Variants in OPCML observed in about 807,000 individuals in gnomAD.
OPCML encodes opioid-binding protein/cell adhesion molecule.
OPCML carries 13 observed loss-of-function variants against 37.8 expected under a neutral mutation model. The ratio of observed to expected loss-of-function variants is 0.34; its 90% CI spans 0.22 to 0.55. The LOEUF (loss-of-function observed/expected upper bound fraction) is 0.55. OPCML is among the 20% of genes least tolerant of loss of function. The pLI is 0.91. For missense variants in OPCML, 341 were observed against 435.6 expected, an observed-to-expected ratio of 0.78 and a Z score of 1.93; for synonymous variants, 176 against 168.8, an observed-to-expected ratio of 1.04 and a Z score of -0.33.
chr11:132,887,710 A>G (rs1468148152), intron 2 of OPCML, among the ~76,000 whole-genome samples: 3 of 152,240 alleles, frequency 2.0e-5, no homozygotes. Flanking sequence ...ATATGAGAGA[A>G]ACAGGTAGGA....
chr11:133,492,095 G>C (rs1305785802), intron 1 of OPCML, among the ~76,000 whole-genome samples: 1 of 152,164 alleles, frequency 6.6e-6, no homozygotes, highest in Non-Finnish European at 1.5e-5. Context: ...GCATATGCTG[G>C]CTTTTTCAGC....
rs1944168128 is a variant in OPCML, at chr11:132,709,409, A to G, written c.147-52090T>C. Among the ~76,000 whole-genome samples the G allele has an allele frequency of 2.6e-5, 4 of 152,356 alleles. No homozygotes were observed. In the South Asian group the frequency reaches 8.3e-4, roughly 32 times the overall value. On this transcript the variant is annotated intron_variant, in intron 2 of 7. Transcript: ENST00000524381. The stretch of plus-strand genomic sequence containing the variant: ...ACTAAGATATGAACACTGGTGCAAT[A>G]TTATTAGCTAAACTGCAAACTTCAT...
intron 1 of OPCML, among the ~76,000 whole-genome samples, chr11:132,962,207 GA>G (rs1238644377): frequency 4.6e-5 from 7 of 152,328 alleles, no homozygotes; most frequent in Non-Finnish European, 1.0e-4. Flanking sequence ...CTGTACAACA[GA>G]GGGCCAAGGA....
chr11:132,648,805 T>C (rs535215157), intron 3 of OPCML, among the ~76,000 whole-genome samples: 3 of 152,116 alleles, frequency 2.0e-5, no homozygotes, highest in Non-Finnish European at 4.4e-5. Flanking sequence ...CTTGCCAGGG[T>C]CCACCCGTGA....
intron 2 of OPCML, among the ~76,000 whole-genome samples, chr11:132,778,198 T>G (rs1946873072): frequency 6.6e-6 from 1 of 152,186 alleles, no homozygotes; most frequent in African/African-American, 2.4e-5. Flanking sequence ...TCGCCAAGTG[T>G]TCTCTGTTGG....
chr11:133,326,318 T>C (rs1169145917), intron 1 of OPCML, among the ~76,000 whole-genome samples: 1 of 39,398 alleles, frequency 2.5e-5, no homozygotes, highest in African/African-American at 1.4e-4. Flanking sequence ...TATGTATAAG[T>C]GTGTGGGGGG....
chr11:132,894,138 C>G (rs571595998), intron 2 of OPCML, among the ~76,000 whole-genome samples: 1 of 152,300 alleles, frequency 6.6e-6, no homozygotes, highest in South Asian at 2.1e-4. Context: ...TCATTTAAGT[C>G]TGGTCTCATC....
At chr11:133,127,704 T>G (rs1347561652) in intron 1 of OPCML, among the ~76,000 whole-genome samples, 1 of 151,872 alleles carries the variant, frequency 6.6e-6, no homozygotes, top group Non-Finnish European at 1.5e-5. Context: ...CTTGTGCTAC[T>G]AGGGATATAA....
chr11:132,967,484 T>C (rs1458137766), intron 1 of OPCML, among the ~76,000 whole-genome samples: 1 of 152,128 alleles, frequency 6.6e-6, no homozygotes, highest in Non-Finnish European at 1.5e-5. Context: ...TTTCTTGTTT[T>C]CTTTATTTGA....
At chr11:132,770,130 A>G (rs1347825504) in intron 2 of OPCML, among the ~76,000 whole-genome samples, 1 of 152,180 alleles carries the variant, frequency 6.6e-6, no homozygotes, top group African/African-American at 2.4e-5. Flanking sequence ...TTATTATCAA[A>G]TATCGCATAA....
Position 133,211,675 on chromosome 11 carries a change from G to A in OPCML, c.62-268665C>T, listed in dbSNP as rs61912361. Among the ~76,000 whole-genome samples, 2 of 152,156 alleles carry A rather than the reference G, an allele frequency of 1.3e-5. No individual in the cohort carries two copies. The highest frequency in any genetic ancestry group is 2.4e-5 in the African/African-American group (1 of 41,434). The stretch of plus-strand genomic sequence containing the variant: ...TATCTTGTACCATGAGGCATCTGGG[G>A]CCAGGGAGTCATCTGGCTTTGTGGC... On this transcript the variant is annotated intron_variant, in intron 1 of 7. Transcript: ENST00000524381. The surrounding 1 kb of genome is among the most constrained non-coding windows in gnomAD (Gnocchi z 4.1).
intron 2 of OPCML, among the ~76,000 whole-genome samples, chr11:132,942,653 A>C (rs1378146740): frequency 1.3e-5 from 2 of 152,154 alleles, no homozygotes; most frequent in Non-Finnish European, 2.9e-5. Flanking sequence ...GCAGGAGAGA[A>C]TCTAGCCTGT....
intron 1 of OPCML, among the ~76,000 whole-genome samples, chr11:132,974,087 G>C (rs923101298): frequency 6.6e-6 from 1 of 152,102 alleles, no homozygotes; most frequent in South Asian, 2.1e-4. Context: ...GCCATGCTTT[G>C]GGTTTTATCC....
chr11:132,860,774 T>G (rs2136357439), intron 2 of OPCML: 1 of 152,340 alleles, frequency 6.6e-6, no homozygotes. Flanking sequence ...CTGTACTTAC[T>G]GTTTAACTAC....
At chr11:132,745,007 ACCACACCCCTGG>A (rs1945567650) in intron 2 of OPCML, among the ~76,000 whole-genome samples, 1 of 152,156 alleles carries the variant, frequency 6.6e-6, no homozygotes, top group African/African-American at 2.4e-5. Flanking sequence ...TCATCCAGGA[ACCACACCCCTGG>A]GAGAAATGTC....
intron 1 of OPCML, chr11:133,005,548 C>T (rs1485988349): frequency 1.0e-6 from 1 of 985,200 alleles, no homozygotes; most frequent in Non-Finnish European, 1.2e-6. Flanking sequence ...ATAGCTAAGA[C>T]ATATTTTTGA....
At chr11:133,117,201 G>C (rs1949350307) in intron 1 of OPCML, among the ~76,000 whole-genome samples, 1 of 152,144 alleles carries the variant, frequency 6.6e-6, no homozygotes, top group African/African-American at 2.4e-5. Flanking sequence ...TGATGGTTTT[G>C]TGAGCACTTC....
intron 1 of OPCML, among the ~76,000 whole-genome samples, chr11:133,434,204 C>T (rs189403451): frequency 1.3e-5 from 2 of 152,242 alleles, no homozygotes; most frequent in Middle Eastern, 3.4e-3. Flanking sequence ...AAGCTCCCTG[C>T]CTCCTCACTC....
At chr11:133,364,178 C>T (rs541640949) in intron 1 of OPCML, among the ~76,000 whole-genome samples, 4 of 152,296 alleles carry the variant, frequency 2.6e-5, no homozygotes, top group South Asian at 4.1e-4. Flanking sequence ...AGAGCAAGTA[C>T]GACTATCAAA....
Sources: allele counts gnomAD v4.1 joint callset (sites outside exome capture counted in the v4.1 genomes callset), GRCh38; gene constraint gnomAD v4.1.1; non-coding constraint Gnocchi (gnomAD v3.1); transcripts MANE v1.5; gene names NCBI Gene and HGNC (gene_info 2026-07-23, HGNC 2026-07-21).